The following LINGO2 variants were observed in gnomAD, a reference collection of about 807,000 sequenced individuals.
The protein encoded by LINGO2 is leucine rich repeat and Ig domain containing 2.
In LINGO2, 14 loss-of-function variants were observed where a neutral mutation model predicts 30.6. That is an observed-to-expected ratio of 0.46 (90% CI 0.30 to 0.72). The LOEUF is 0.72. LINGO2 is among the 30% of genes least tolerant of loss of function. LINGO2 has a pLI of 0.07. For synonymous variants in LINGO2, 317 were observed against 288.5 expected, an observed-to-expected ratio of 1.10 and a Z score of -1.00; for missense variants, 729 against 751.7, an observed-to-expected ratio of 0.97 and a Z score of 0.35.
At chr9:29,118,329 C>T in the LINGO2 span, among the ~76,000 whole-genome samples, 1 of 152,142 alleles carries the variant, frequency 6.6e-6, no homozygotes, top group Non-Finnish European at 1.5e-5. Flanking sequence ...AGGATTTCAA[C>T]ATTTGGTGAT....
At chr9:28,569,762 T>C (rs1326663267) in intron 1 of LINGO2, among the ~76,000 whole-genome samples, 1 of 151,910 alleles carries the variant, frequency 6.6e-6, no homozygotes, top group East Asian at 1.9e-4. Flanking sequence ...TAAAATTTAT[T>C]AAGAGTATAT....
At chr9:28,028,073 G>A (rs922707301) in intron 4 of LINGO2, among the ~76,000 whole-genome samples, 4 of 152,100 alleles carry the variant, frequency 2.6e-5, no homozygotes, top group Non-Finnish European at 4.4e-5. Flanking sequence ...AGAATTCAGA[G>A]AAGAAAATAG....
chr9:28,348,405 C>T lies in LINGO2; in HGVS notation c.-246+24431G>A, dbSNP rs112060417. Among the ~76,000 whole-genome samples, 552 of 152,054 alleles carry T rather than the reference C, an allele frequency of 3.6e-3. 5 individuals are homozygous for T. The highest frequency in any genetic ancestry group is 0.013 in the African/African-American group (524 of 41,482). On this transcript the variant is annotated intron_variant, in intron 3 of 5. Coordinates refer to ENST00000379992, the Ensembl canonical transcript of LINGO2. ...GGGTGACGGACTGCACCTGGAAAAT[C>T]GGGTCACTCCCACCAGAATACTGCG...
At chr9:28,845,357 T>C in the LINGO2 span, among the ~76,000 whole-genome samples, 1 of 151,934 alleles carries the variant, frequency 6.6e-6, no homozygotes, top group African/African-American at 2.4e-5. Context: ...TTCTCTAGCA[T>C]CCATATTTCC....
At chr9:28,206,833 G>T (rs946286997) in intron 4 of LINGO2, among the ~76,000 whole-genome samples, 1 of 152,020 alleles carries the variant, frequency 6.6e-6, no homozygotes, top group Non-Finnish European at 1.5e-5. Flanking sequence ...GGTTATACTG[G>T]TTCAATGGCT....
intron 4 of LINGO2, among the ~76,000 whole-genome samples, chr9:28,055,862 C>A (rs954566248): frequency 2.0e-5 from 3 of 152,060 alleles, no homozygotes; most frequent in African/African-American, 7.2e-5. Flanking sequence ...ACTTTGGTTT[C>A]GAAGGAGGCA....
chr9:28,537,548 G>GA lies in LINGO2; in HGVS notation c.-364-61524dup, dbSNP rs72454733. On this transcript the variant is annotated intron_variant, in intron 1 of 5. Coordinates refer to ENST00000379992, the Ensembl canonical transcript of LINGO2. ...AGAGGAATGCTGGATAAAGTAAATA[G>GA]AAAAAAAAAAATGTTTTAAAGAGAC... Among the ~76,000 whole-genome samples the GA allele has an allele frequency of 1.6e-3, 227 of 140,760 alleles. 2 individuals carry two copies. Among genetic ancestry groups the GA allele is most frequent in the African/African-American group, 4.3e-3 (167 of 38,654 alleles). The allele number at this position is 140,760 out of a possible 152,430, so 92.3% of individuals were successfully genotyped here.
At chr9:28,021,794 C>T (rs1266547904) in intron 4 of LINGO2, among the ~76,000 whole-genome samples, 1 of 151,940 alleles carries the variant, frequency 6.6e-6, no homozygotes, top group South Asian at 2.1e-4. Flanking sequence ...TACACTACTT[C>T]TGTTTCTTTT....
At chr9:28,544,401 G>C (rs1471037044) in intron 1 of LINGO2, among the ~76,000 whole-genome samples, 2 of 152,022 alleles carry the variant, frequency 1.3e-5, no homozygotes, top group African/African-American at 2.4e-5. Flanking sequence ...GTTGGTGCTG[G>C]TTAACAGTAT....
the LINGO2 span, among the ~76,000 whole-genome samples, chr9:28,941,949 C>G: frequency 6.6e-6 from 1 of 152,052 alleles, no homozygotes; most frequent in African/African-American, 2.4e-5. Flanking sequence ...ATAAGGTACT[C>G]CCCCTTTATT....
chr9:29,055,278 A>T, the LINGO2 span, among the ~76,000 whole-genome samples: 1 of 152,124 alleles, frequency 6.6e-6, no homozygotes, highest in Non-Finnish European at 1.5e-5. Context: ...AAAAAGAAAA[A>T]TGTTTTTGTG....
intron 2 of LINGO2, among the ~76,000 whole-genome samples, chr9:28,379,227 G>C (rs925435846): frequency 1.3e-5 from 2 of 152,060 alleles, no homozygotes; most frequent in Non-Finnish European, 2.9e-5. Flanking sequence ...ATGTTTTTCA[G>C]ATGAGAAGGC....
intron 4 of LINGO2, among the ~76,000 whole-genome samples, chr9:28,287,036 G>A (rs1196009069): frequency 3.3e-5 from 5 of 152,308 alleles, no homozygotes; most frequent in African/African-American, 9.6e-5. Context: ...CCAGACCTGA[G>A]TATGTATGGG....
chr9:28,693,867 T>C, the LINGO2 span, among the ~76,000 whole-genome samples: 1 of 152,068 alleles, frequency 6.6e-6, no homozygotes, highest in South Asian at 2.1e-4. Context: ...CTTTCCCATG[T>C]TGTTGGTGAT....
chr9:28,847,527 C>T, the LINGO2 span, among the ~76,000 whole-genome samples: 1 of 146,504 alleles, frequency 6.8e-6, no homozygotes, highest in African/African-American at 2.6e-5. Flanking sequence ...CCTTTCATCC[C>T]CATGGAGCAT....
At chr9:28,887,463 A>G in the LINGO2 span, among the ~76,000 whole-genome samples, 7 of 152,196 alleles carry the variant, frequency 4.6e-5, no homozygotes, top group Admixed American at 6.6e-5. Context: ...GTAATTTGTT[A>G]CTAATATTAA....
the LINGO2 span, among the ~76,000 whole-genome samples, chr9:29,021,892 A>C: frequency 1.3e-5 from 2 of 152,220 alleles, no homozygotes; most frequent in African/African-American, 4.8e-5. Context: ...AAAAGTTTTA[A>C]ATAGATTAAC....
intron 5 of LINGO2, among the ~76,000 whole-genome samples, chr9:28,001,217 AGCT>A (rs1439903527): frequency 6.6e-6 from 1 of 152,200 alleles, no homozygotes; most frequent in Admixed American, 6.5e-5. Context: ...GATCAAAGTG[AGCT>A]GTTCTGATTG....
chr9:28,035,496 T>C (rs1823885598), intron 4 of LINGO2, among the ~76,000 whole-genome samples: 1 of 152,230 alleles, frequency 6.6e-6, no homozygotes, highest in African/African-American at 2.4e-5. Flanking sequence ...TCCAGTGTTA[T>C]TAACTGAAAT....
Sources: gnomAD v4.1 joint callset for allele counts (sites outside exome capture counted in the v4.1 genomes callset) on GRCh38, gnomAD v4.1.1 for gene constraint, MANE v1.5 for transcripts, NCBI Gene and HGNC (gene_info 2026-07-23, HGNC 2026-07-21) for gene names.